TNS3: variants seen among roughly 807,000 people sequenced by gnomAD.
TNS3 encodes the protein tensin 3.
In TNS3, 45 loss-of-function variants were observed where a neutral mutation model predicts 140.9. The observed-to-expected ratio is 0.32, with a 90% CI of 0.25 to 0.41. TNS3 has a LOEUF of 0.41. Among genes scored for constraint, TNS3 ranks in the 10% least tolerant of loss-of-function variants. TNS3 has a pLI of 1.00. For missense variants in TNS3, 1,716 were observed against 1,906.7 expected (o/e 0.90, Z 1.86); for synonymous variants, 815 against 788.4 (o/e 1.03, Z -0.56).
chr7:47,283,653 C>T (rs1324435465), intron 28 of TNS3, 44 bp downstream of exon 28: 1 of 1,489,912 alleles, frequency 6.7e-7, no homozygotes, highest in Non-Finnish European at 8.9e-7. Flanking sequence ...AACGTGACAG[C>T]CCCGCCCCTG....
rs185959885 is a variant in TNS3 at position 47,466,010 on chromosome 7, T to C, written c.-76+15093A>G. ...AATACATAGAACAAACTGCCAGAATTGTGAAGAATAATTTCTTAAAATATC... is the reference window on the plus strand; with the variant it reads ...AATACATAGAACAAACTGCCAGAATCGTGAAGAATAATTTCTTAAAATATC... On this transcript the variant is annotated intron_variant, in intron 4 of 30. Coordinates refer to ENST00000311160, the MANE Select transcript of TNS3 (RefSeq NM_022748.12). Among the ~76,000 whole-genome samples, 813 of 152,192 alleles carry C rather than the reference T, an allele frequency of 5.3e-3. 5 individuals carry two copies. Among genetic ancestry groups the C allele is most frequent in the Non-Finnish European group, 8.9e-3 (602 of 68,014 alleles).
intron 2 of TNS3, among the ~76,000 whole-genome samples, chr7:47,527,223 C>A (rs1375703171): frequency 6.6e-6 from 1 of 152,020 alleles, no homozygotes; most frequent in Non-Finnish European, 1.5e-5. Context: ...GGTGACAGAG[C>A]AAGACTCTAT....
chr7:47,465,501 CTT>C (rs1169837293), intron 4 of TNS3, among the ~76,000 whole-genome samples: 3 of 152,230 alleles, frequency 2.0e-5, no homozygotes, highest in African/African-American at 7.2e-5. Flanking sequence ...GGTCCCACCA[CTT>C]TGTTTCCAGT....
intron 1 of TNS3, among the ~76,000 whole-genome samples, chr7:47,531,643 A>C (rs1052063406): frequency 1.3e-5 from 2 of 152,238 alleles, no homozygotes; most frequent in African/African-American, 4.8e-5. Flanking sequence ...TTTTCTGAAA[A>C]AATAGCACAA....
intron 20 of TNS3, among the ~76,000 whole-genome samples, chr7:47,312,310 A>G (rs1317858781): frequency 6.6e-6 from 1 of 152,238 alleles, no homozygotes; most frequent in African/African-American, 2.4e-5. Context: ...ACAAAGATGC[A>G]TGGAGTTTAA....
Position 47,479,881 on chromosome 7 carries a change from G to A in TNS3, c.-76+1222C>T, listed in dbSNP as rs550623510. On this transcript the variant is annotated intron_variant, in intron 4 of 30. Coordinates refer to ENST00000311160, the MANE Select transcript of TNS3 (RefSeq NM_022748.12). ...CCATTGCATAAAGGAGAAAACCGAGGCTCAGGTGGGCAGGGGGCGAGGGCA... is the reference window on the plus strand; with the variant it reads ...CCATTGCATAAAGGAGAAAACCGAGACTCAGGTGGGCAGGGGGCGAGGGCA... Among the ~76,000 whole-genome samples, 4 of 152,284 alleles carry A rather than the reference G, an allele frequency of 2.6e-5. No individual in the cohort carries two copies. The South Asian group carries it at 8.3e-4, about 32-fold the overall frequency.
At chr7:47,373,279 C>T (rs1370094749) in intron 16 of TNS3, among the ~76,000 whole-genome samples, 14 of 152,144 alleles carry the variant, frequency 9.2e-5, no homozygotes, top group Admixed American at 9.2e-4. Flanking sequence ...GTTCAGTTTC[C>T]TGGTTTTACG....
At chr7:47,353,798 A>G (rs982074135) in intron 17 of TNS3, among the ~76,000 whole-genome samples, 1 of 152,020 alleles carries the variant, frequency 6.6e-6, no homozygotes, top group Non-Finnish European at 1.5e-5. Flanking sequence ...TGGGACCACA[A>G]GGGGCCTCAC....
At chr7:47,405,579 G>C (rs941907100) in intron 13 of TNS3, 2 of 702,908 alleles carry the variant, frequency 2.8e-6, no homozygotes, top group Admixed American at 4.0e-5. Flanking sequence ...TTGAAAGGTG[G>C]GTAAATATTG....
chr7:47,377,692 C>T (rs1295797296), intron 16 of TNS3, among the ~76,000 whole-genome samples: 1 of 83,920 alleles, frequency 1.2e-5, no homozygotes, highest in Non-Finnish European at 3.2e-5. Context: ...TCCCTTCCTT[C>T]CCTCTTCCTC....
intron 18 of TNS3, among the ~76,000 whole-genome samples, chr7:47,345,397 T>C (rs1161987090): frequency 6.6e-6 from 1 of 152,212 alleles, no homozygotes; most frequent in African/African-American, 2.4e-5. Flanking sequence ...ACCCATGGTA[T>C]TAATATATTC....
intron 2 of TNS3, among the ~76,000 whole-genome samples, chr7:47,528,596 G>A (rs781356148): frequency 2.0e-5 from 3 of 152,132 alleles, no homozygotes; most frequent in East Asian, 3.9e-4. Flanking sequence ...ATTACTTGAC[G>A]TCTAAATATC....
At chr7:47,374,694 C>T (rs928308923) in intron 16 of TNS3, among the ~76,000 whole-genome samples, 1 of 152,198 alleles carries the variant, frequency 6.6e-6, no homozygotes, top group Non-Finnish European at 1.5e-5. Context: ...CCCCCAAAGG[C>T]GCTGATCCAT....
chr7:47,353,964 G>GAAAC (rs146126399), intron 17 of TNS3, among the ~76,000 whole-genome samples: 1 of 142,200 alleles, frequency 7.0e-6, no homozygotes, highest in Non-Finnish European at 1.5e-5. Context: ...GCATCAAAAG[G>GAAAC]AAACAAACAA....
chr7:47,326,389 A>G (rs943900327), intron 20 of TNS3, among the ~76,000 whole-genome samples: 1 of 152,142 alleles, frequency 6.6e-6, no homozygotes, highest in Non-Finnish European at 1.5e-5. Flanking sequence ...CCTGCCTCCC[A>G]CCAGCAGGGT....
At chr7:47,488,020 C>T (rs550167832) in intron 3 of TNS3, among the ~76,000 whole-genome samples, 5 of 152,164 alleles carry the variant, frequency 3.3e-5, no homozygotes, top group African/African-American at 1.2e-4. Flanking sequence ...GGTTGGGACT[C>T]TTCTATAATC....
chr7:47,277,983 T>G lies in TNS3; in HGVS notation c.*93A>C, dbSNP rs778050664. 6.4e-6 allele frequency: 9 copies of G among 1,405,408 alleles called. No homozygotes were observed. The highest frequency in any genetic ancestry group is 1.8e-5 in the Admixed American group (1 of 57,124). The allele number at this position is 1,405,408 out of a possible 1,614,324, so 87.1% of individuals were successfully genotyped here. A position where few individuals can be genotyped will look rare whatever the true frequency, so the allele number is the denominator to read the frequency against. On this transcript the variant is annotated 3_prime_UTR_variant, in exon 31 of 31. Coordinates refer to ENST00000311160, the MANE Select transcript of TNS3 (RefSeq NM_022748.12). ...CATGGGCCTGGAATGTCAGGTTTAC[T>G]AGTTTGGTAAAAAGTGGGGGCCCCA...
At chr7:47,514,677 C>T (rs992470655) in intron 2 of TNS3, among the ~76,000 whole-genome samples, 2 of 152,154 alleles carry the variant, frequency 1.3e-5, no homozygotes, top group Non-Finnish European at 1.5e-5. Flanking sequence ...GCCATCCTGT[C>T]TCATTCCATG....
intron 1 of TNS3, among the ~76,000 whole-genome samples, chr7:47,547,265 C>T (rs1299712152): frequency 1.3e-5 from 2 of 151,946 alleles, no homozygotes; most frequent in Non-Finnish European, 2.9e-5. Flanking sequence ...GAGGGCAAAG[C>T]GAAGAATTGT....
Sources: gnomAD v4.1 joint callset for allele counts (sites outside exome capture counted in the v4.1 genomes callset) on GRCh38, gnomAD v4.1.1 for gene constraint, MANE v1.5 for transcripts, NCBI Gene and HGNC (gene_info 2026-07-23, HGNC 2026-07-21) for gene names.